The following PLCXD1 variants were observed in gnomAD, a reference collection of about 807,000 sequenced individuals.
PLCXD1 encodes phosphatidylinositol specific phospholipase C X domain containing 1, also known as PI-PLC X domain-containing protein 1.
Under a neutral mutation model 37.8 loss-of-function variants are expected in PLCXD1, and 45 were observed. The observed-to-expected ratio is 1.19, with a 90% CI of 0.94 to 1.53. The LOEUF is 1.53. PLCXD1 is among the 40% of genes most tolerant of loss of function. The pLI is 0.00. For missense variants in PLCXD1, 539 were observed against 454.7 expected, an observed-to-expected ratio of 1.19 and a Z score of -1.69; for synonymous variants, 246 against 206.9, an observed-to-expected ratio of 1.19 and a Z score of -1.62.
At chrX:278,672 G>A (rs1353118307), upstream of PLCXD1, among the ~76,000 whole-genome samples, 2 of 150,310 alleles carry the variant, frequency 1.3e-5, no homozygotes, top group Non-Finnish European at 2.9e-5. Flanking sequence ...CTGGGAAGCG[G>A]AGGTTGCAGT....
At position 300,640 on chromosome X, in the gene PLCXD1, G is replaced by A. The variant is rs1205218784; in HGVS notation, c.*1305G>A. On this transcript the variant is annotated 3_prime_UTR_variant, in exon 7 of 7. Coordinates refer to ENST00000381657, the MANE Select transcript of PLCXD1 (RefSeq NM_018390.4). ...TATACGTGTATGTATACATGTATAT[G>A]TGTGTATGCGTGTATATACACACGT... The A allele has an allele frequency of 1.3e-5, 2 of 151,930 alleles. No individual in the cohort carries two copies. The highest frequency in any genetic ancestry group is 2.9e-5 in the Non-Finnish European group (2 of 67,980). 9.4% of individuals were successfully genotyped at this position (151,930 alleles called of 1,614,324 possible). A position where few individuals can be genotyped will look rare whatever the true frequency, so the allele number is the denominator to read the frequency against.
rs28812611 is a variant in PLCXD1, at chrX:301,393, C to G, written c.*2058C>G. 0.022 allele frequency: 3,384 copies of G among 152,076 alleles called. 116 individuals carry two copies. The highest frequency in any genetic ancestry group is 0.077 in the African/African-American group (3,179 of 41,336). 9.4% of individuals were successfully genotyped at this position (152,076 alleles called of 1,614,324 possible). On this transcript the variant is annotated 3_prime_UTR_variant, in exon 7 of 7. Coordinates refer to ENST00000381657, the MANE Select transcript of PLCXD1 (RefSeq NM_018390.4). ...TCCTGGGCTCAACTGATCCTCCCAC[C>G]TCAACCTCTGCCATAGCCAGGACCT...
At position 293,082 on chromosome X, in the gene PLCXD1, C is replaced by T. The variant is rs199743296; in HGVS notation, c.597C>T (p.Ile199=). 1.7e-5 allele frequency: 28 copies of T among 1,611,694 alleles called. No homozygotes were observed. The highest frequency in any genetic ancestry group is 2.2e-4 in the Middle Eastern group (1 of 4,622). The change falls in exon 6 of 7, where the codon ATC becomes ATT. Residue 199 remains isoleucine, a synonymous_variant. Transcript: ENST00000381657. ...TGTGGTCCCGGGGCCAACAGGTCAT[C>T]GTCTCCTATGAAGACGAGAGCTCCT... ...RQLWSRGQQV[I]VSYEDESSLR...
intron 6 of PLCXD1, among the ~76,000 whole-genome samples, chrX:296,941 A>G: frequency 7.7e-6 from 1 of 130,302 alleles, no homozygotes; most frequent in African/African-American, 3.0e-5. Flanking sequence ...TCACATGGGG[A>G]TTAGGACGTG....
intron 2 of PLCXD1, among the ~76,000 whole-genome samples, chrX:288,469 C>G (rs915653670): frequency 6.6e-6 from 1 of 152,136 alleles, no homozygotes; most frequent in Non-Finnish European, 1.5e-5. Flanking sequence ...GGACACCTGT[C>G]ACTGGATTTG....
rs1319691860 is a variant in PLCXD1 at position 300,866 on chromosome X, A to C, written c.*1531A>C. 1 of 151,170 alleles carries C rather than the reference A, an allele frequency of 6.6e-6. No homozygotes were observed. The highest frequency in any genetic ancestry group is 1.5e-5 in the Non-Finnish European group (1 of 67,794). The allele number at this position is 151,170 out of a possible 1,614,324, so 9.4% of individuals were successfully genotyped here. A position where few individuals can be genotyped will look rare whatever the true frequency, so the allele number is the denominator to read the frequency against. On this transcript the variant is annotated 3_prime_UTR_variant, in exon 7 of 7. Coordinates refer to ENST00000381657, the MANE Select transcript of PLCXD1 (RefSeq NM_018390.4). The stretch of plus-strand genomic sequence containing the variant: ...TGACAGGCATGTGCCACCACACCCG[A>C]CTAATTTCATATATTTAGTAGAGAC...
chrX:287,888 C>T (rs560411182), intron 2 of PLCXD1, among the ~76,000 whole-genome samples: 2 of 152,098 alleles, frequency 1.3e-5, no homozygotes, highest in Non-Finnish European at 1.5e-5. Flanking sequence ...AGTGAGCACA[C>T]GTCAGGAGGC....
chrX:295,133 C>T (rs1247456030), intron 6 of PLCXD1, among the ~76,000 whole-genome samples: 2 of 145,000 alleles, frequency 1.4e-5, no homozygotes, highest in Non-Finnish European at 3.0e-5. Context: ...CGCGCCACAG[C>T]ACTCCAGCCT....
chrX:282,431 A>T (rs2069300728), intron 1 of PLCXD1, among the ~76,000 whole-genome samples: 1 of 151,856 alleles, frequency 6.6e-6, no homozygotes, highest in South Asian at 2.1e-4. Flanking sequence ...ACAGCTGGGC[A>T]CCGTGGCTCA....
chrX:282,869 GTA>G lies in PLCXD1; in HGVS notation c.-22+1191_-22+1192del, dbSNP rs748014222. Reference sequence around the variant, plus strand: ...TATGTATATATAGTGATGTATATATGTATATATGTTATGTATGTGTTATATAT... The same window carrying G: ...TATGTATATATAGTGATGTATATATGTATATGTTATGTATGTGTTATATAT... On this transcript the variant is annotated intron_variant, in intron 1 of 6. Transcript: ENST00000381657. Among the ~76,000 whole-genome samples, 18 of 140,690 alleles carry G rather than the reference GTA, an allele frequency of 1.3e-4. No homozygotes were observed. In the East Asian group the frequency reaches 2.2e-3, roughly 17 times the overall value. The allele number at this position is 140,690 out of a possible 152,430, so 92.3% of individuals were successfully genotyped here. A position where few individuals can be genotyped will look rare whatever the true frequency, so the allele number is the denominator to read the frequency against.
At chrX:284,787 G>C (rs2069394453) in intron 2 of PLCXD1, among the ~76,000 whole-genome samples, 1 of 152,108 alleles carries the variant, frequency 6.6e-6, no homozygotes, top group African/African-American at 2.4e-5. Flanking sequence ...AGTTCCACCT[G>C]GCTGGGGAGG....
chrX:276,405 C>T (rs2069157793), upstream of PLCXD1: 2 of 152,334 alleles, frequency 1.3e-5, no homozygotes, highest in South Asian at 2.1e-4. Flanking sequence ...GTGAGTGTGT[C>T]TACCCCGTTC....
At chrX:278,949 G>C (rs2069207399), upstream of PLCXD1, among the ~76,000 whole-genome samples, 1 of 152,170 alleles carries the variant, frequency 6.6e-6, no homozygotes, top group South Asian at 2.1e-4. Flanking sequence ...AACAGGCTTT[G>C]TGTGAGCGAT....
chrX:295,030 C>T (rs181062548), intron 6 of PLCXD1, among the ~76,000 whole-genome samples: 33 of 151,452 alleles, frequency 2.2e-4, no homozygotes, highest in Middle Eastern at 3.5e-3. Context: ...TTTAGCTGGG[C>T]GTGGTTGTGT....
In PLCXD1 at chrX:300,283, C is replaced by A. The variant is rs1234033408; in HGVS notation, c.*948C>A. Reference sequence around the variant, plus strand: ...CTATCCTCCCACAGCTCACTAATTACTAAACACAGTGACAGCCCACTTAGG... The same window carrying A: ...CTATCCTCCCACAGCTCACTAATTAATAAACACAGTGACAGCCCACTTAGG... On this transcript the variant is annotated 3_prime_UTR_variant, in exon 7 of 7. Transcript: ENST00000381657. The A allele has an allele frequency of 1.3e-5, 2 of 152,074 alleles. No individual in the cohort carries two copies. The highest frequency in any genetic ancestry group is 4.8e-5 in the African/African-American group (2 of 41,394). The allele number at this position is 152,074 out of a possible 1,614,324, so 9.4% of individuals were successfully genotyped here.
chrX:299,574 A>T lies in PLCXD1; in HGVS notation c.*239A>T, dbSNP rs2069935385. On this transcript the variant is annotated 3_prime_UTR_variant, in exon 7 of 7. Coordinates refer to ENST00000381657, the MANE Select transcript of PLCXD1 (RefSeq NM_018390.4). ...GGAGCTTGAGAGCAGCCTGACCAAC[A>T]TGGTGAAATCCCATCTCTACTAAAA... 1.7e-6 allele frequency: 1 copy of T among 587,254 alleles called. No individual in the cohort carries two copies. Among genetic ancestry groups the T allele is most frequent in the South Asian group, 2.1e-5 (1 of 48,306 alleles). 36.4% of individuals were successfully genotyped at this position (587,254 alleles called of 1,614,324 possible). A position where few individuals can be genotyped will look rare whatever the true frequency, so the allele number is the denominator to read the frequency against.
At chrX:289,367 G>A (rs751270919) in intron 3 of PLCXD1, among the ~76,000 whole-genome samples, 7 of 152,078 alleles carry the variant, frequency 4.6e-5, no homozygotes, top group Admixed American at 3.3e-4. Context: ...GATTACAGGC[G>A]TGAGCCACCG....
chrX:287,452 GTTTATATATAGAATAT>G (rs1484362654), intron 2 of PLCXD1, among the ~76,000 whole-genome samples: 1 of 125,956 alleles, frequency 7.9e-6, no homozygotes, highest in Non-Finnish European at 1.6e-5. Context: ...CACTATATAT[GTTTATATATAGAATAT>G]ATACTATATA....
chrX:289,652 C>T (rs1207347373), intron 3 of PLCXD1, among the ~76,000 whole-genome samples: 6 of 151,716 alleles, frequency 4.0e-5, no homozygotes, highest in African/African-American at 1.5e-4. Flanking sequence ...GCTGGGACTA[C>T]AGGCTCCCGC....
Sources: gnomAD v4.1 joint callset for allele counts (sites outside exome capture counted in the v4.1 genomes callset) on GRCh38, gnomAD v4.1.1 for gene constraint, MANE v1.5 for transcripts, NCBI Gene and HGNC (gene_info 2026-07-23, HGNC 2026-07-21) for gene names.